RBPJ: variants seen among roughly 807,000 people sequenced by gnomAD.
RBPJ encodes recombining binding protein suppressor of hairless.
A neutral mutation model predicts 67.8 loss-of-function variants in RBPJ; 9 were observed. The ratio of observed to expected loss-of-function variants is 0.13; its 90% CI spans 0.08 to 0.23. The LOEUF is 0.23. Among genes scored for constraint, RBPJ ranks in the 10% least tolerant of loss-of-function variants. The probability of loss-of-function intolerance (pLI) is 1.00; values close to 1 mark genes in which losing one functional copy is unlikely to be tolerated. For synonymous variants in RBPJ, 198 were observed against 203.3 expected (o/e 0.97, Z 0.22); for missense variants, 305 against 595.6 (o/e 0.51, Z 5.08).
rs543305844 is a variant in RBPJ, at chr4:26,423,910, G to A, written c.497-432G>A. On this transcript the variant is annotated intron_variant, in intron 5 of 10. Transcript: ENST00000355476. ...ACACATATTAAAAATATATACATTT[G>A]CCTAATGGAACCACAGCATACAGAG... Among the ~76,000 whole-genome samples, 3 of 152,184 alleles carry A rather than the reference G, an allele frequency of 2.0e-5. No homozygotes were observed. In the East Asian group the frequency reaches 5.8e-4, roughly 29 times the overall value.
At chr4:26,132,808 AC>A in the RBPJ span, among the ~76,000 whole-genome samples, 75 of 151,588 alleles carry the variant, frequency 4.9e-4, no homozygotes, top group African/African-American at 1.8e-3. Context: ...TTACTTCTCA[AC>A]CCCCCCACCC....
intron 2 of RBPJ, among the ~76,000 whole-genome samples, chr4:26,401,151 A>G (rs1732751475): frequency 6.6e-6 from 1 of 152,204 alleles, no homozygotes; most frequent in Admixed American, 6.5e-5. Flanking sequence ...AGTTTGTGGG[A>G]CTAACTTACT....
rs77154386 is a variant in RBPJ, at chr4:26,392,017, G to A, written c.59+5626G>A. 2.3e-3 allele frequency among the ~76,000 whole-genome samples: 350 copies of A among 152,290 alleles called. 1 individual carries two copies. The highest frequency in any genetic ancestry group is 7.9e-3 in the African/African-American group (330 of 41,560). ...ACATGGCAGGAGGGACAAGGGCACTGATCCTATTCTTGAAGGCTCCATCCT... is the reference window on the plus strand; with the variant it reads ...ACATGGCAGGAGGGACAAGGGCACTAATCCTATTCTTGAAGGCTCCATCCT... On this transcript the variant is annotated intron_variant, in intron 2 of 10. Coordinates refer to ENST00000355476, the MANE Select transcript of RBPJ (RefSeq NM_015874.6).
At chr4:26,296,451 G>T (rs1414093732) in intron 1 of RBPJ, among the ~76,000 whole-genome samples, 2 of 152,118 alleles carry the variant, frequency 1.3e-5, no homozygotes, top group African/African-American at 2.4e-5. Context: ...TATTAATCAG[G>T]TTCAATGTCA....
chr4:26,349,004 G>A (rs895104942), intron 1 of RBPJ, among the ~76,000 whole-genome samples: 6 of 152,100 alleles, frequency 3.9e-5, no homozygotes, highest in African/African-American at 1.4e-4. Context: ...ACCATGCCTG[G>A]TCTGTAAACA....
chr4:26,128,610 A>G, the RBPJ span, among the ~76,000 whole-genome samples: 5 of 152,282 alleles, frequency 3.3e-5, no homozygotes, highest in East Asian at 7.7e-4. Context: ...CTCAATCACT[A>G]TACAGTATGA....
the RBPJ span, among the ~76,000 whole-genome samples, chr4:26,124,772 G>T: frequency 6.6e-6 from 1 of 152,032 alleles, no homozygotes; most frequent in African/African-American, 2.4e-5. Context: ...CAGCATAATA[G>T]GTCTGTTTAC....
chr4:26,111,275 C>T, the RBPJ span, among the ~76,000 whole-genome samples: 2 of 152,150 alleles, frequency 1.3e-5, no homozygotes, highest in Non-Finnish European at 2.9e-5. Flanking sequence ...CTCTAGGAGA[C>T]TCTTACACAT....
chr4:26,336,681 A>G (rs1183605943), intron 1 of RBPJ, among the ~76,000 whole-genome samples: 1 of 151,978 alleles, frequency 6.6e-6, no homozygotes, highest in Non-Finnish European at 1.5e-5. Context: ...ATTTCTTTAG[A>G]AATTTAAGTA....
At chr4:26,119,355 C>T in the RBPJ span, among the ~76,000 whole-genome samples, 1 of 152,188 alleles carries the variant, frequency 6.6e-6, no homozygotes, top group African/African-American at 2.4e-5. Context: ...GTTCCAATCC[C>T]TTCATTGAGT....
At chr4:26,119,730 CA>C in the RBPJ span, among the ~76,000 whole-genome samples, 1 of 152,194 alleles carries the variant, frequency 6.6e-6, no homozygotes, top group Non-Finnish European at 1.5e-5. Flanking sequence ...GGGTATAGGT[CA>C]CCTTCTATAT....
At chr4:26,423,583 A>G (rs183137011) in intron 5 of RBPJ, among the ~76,000 whole-genome samples, 44 of 152,306 alleles carry the variant, frequency 2.9e-4, no homozygotes, top group African/African-American at 1.0e-3. Context: ...GCTCTCTTGC[A>G]CTAGGAGGTA....
chr4:26,353,319 CTT>C (rs1009876739), intron 1 of RBPJ, among the ~76,000 whole-genome samples: 2 of 152,188 alleles, frequency 1.3e-5, no homozygotes, highest in Non-Finnish European at 2.9e-5. Flanking sequence ...TCAGAACAAA[CTT>C]TTTGTTTTGA....
At chr4:26,239,310 A>G (rs1205534000) in intron 1 of RBPJ, among the ~76,000 whole-genome samples, 1 of 152,226 alleles carries the variant, frequency 6.6e-6, no homozygotes, top group Non-Finnish European at 1.5e-5. Context: ...TTAAGGAACA[A>G]TCTGAGATTT....
At chr4:26,147,988 A>G in the RBPJ span, among the ~76,000 whole-genome samples, 1 of 152,172 alleles carries the variant, frequency 6.6e-6, no homozygotes, top group African/African-American at 2.4e-5. Flanking sequence ...ACTTACTGAA[A>G]CTCTGAAGTT....
At chr4:26,210,740 TTTCC>T (rs762222492) in intron 1 of RBPJ, among the ~76,000 whole-genome samples, 1,061 of 102,816 alleles carry the variant, frequency 0.01, 37 homozygotes, top group Non-Finnish European at 0.013. Flanking sequence ...TCTTTACTTC[TTTCC>T]TTCTTTCCTT....
chr4:26,335,590 A>G (rs961280607), intron 1 of RBPJ, among the ~76,000 whole-genome samples: 1 of 149,542 alleles, frequency 6.7e-6, no homozygotes, highest in Non-Finnish European at 1.5e-5. Context: ...AGCCATGTCA[A>G]CTTCCCCAGC....
intron 1 of RBPJ, among the ~76,000 whole-genome samples, chr4:26,262,824 T>C (rs1720582846): frequency 9.2e-5 from 14 of 152,066 alleles, no homozygotes; most frequent in Admixed American, 9.2e-4. Flanking sequence ...CCAAAATTGC[T>C]CTTATTTTTT....
chr4:26,154,407 A>G, the RBPJ span, among the ~76,000 whole-genome samples: 1 of 152,172 alleles, frequency 6.6e-6, no homozygotes, highest in African/African-American at 2.4e-5. Flanking sequence ...CTCAATGAAT[A>G]TTCGTTCCCG....
Sources: allele counts gnomAD v4.1 joint callset (sites outside exome capture counted in the v4.1 genomes callset), GRCh38; gene constraint gnomAD v4.1.1; transcripts MANE v1.5; gene names NCBI Gene and HGNC (gene_info 2026-07-23, HGNC 2026-07-21).